ARHGAP6: variants seen among roughly 807,000 people sequenced by gnomAD.
ARHGAP6 encodes the protein Rho GTPase activating protein 6.
In ARHGAP6, 16 loss-of-function variants were observed where a neutral mutation model predicts 55.7. The observed-to-expected ratio is 0.29, with a 90% confidence interval of 0.19 to 0.44. The LOEUF is 0.44. Among genes scored for constraint, ARHGAP6 ranks in the 20% least tolerant of loss-of-function variants. ARHGAP6 has a pLI of 1.00. For missense variants in ARHGAP6, 698 were observed against 808.9 expected (o/e 0.86, Z 1.66); for synonymous variants, 382 against 360.9 (o/e 1.06, Z -0.66).
intron 1 of ARHGAP6, among the ~76,000 whole-genome samples, chrX:11,572,982 GTCT>G (rs968954778): frequency 8.9e-6 from 1 of 112,082 alleles, no homozygotes; most frequent in Non-Finnish European, 1.9e-5. Context: ...CTGCATAAAT[GTCT>G]TCTTTTGAGA....
chrX:11,155,226 C>T (rs1484027233), intron 10 of ARHGAP6, among the ~76,000 whole-genome samples: 2 of 112,405 alleles, frequency 1.8e-5, no homozygotes, highest in Non-Finnish European at 3.8e-5. Flanking sequence ...CACCAATATA[C>T]AGGAATAACT....
At chrX:11,513,552 C>T (rs940517790) in intron 1 of ARHGAP6, among the ~76,000 whole-genome samples, 2 of 111,526 alleles carry the variant, frequency 1.8e-5, no homozygotes, top group African/African-American at 6.5e-5. Context: ...GTCCTTATGC[C>T]ATCACTTGCC....
intron 1 of ARHGAP6, among the ~76,000 whole-genome samples, chrX:11,595,679 T>A (rs2051893131): frequency 8.9e-6 from 1 of 111,786 alleles, no homozygotes; most frequent in Non-Finnish European, 1.9e-5. Flanking sequence ...TCTATCCATC[T>A]GACAAAGGGC....
intron 1 of ARHGAP6, among the ~76,000 whole-genome samples, chrX:11,580,070 G>A (rs1262032153): frequency 9.0e-6 from 1 of 111,508 alleles, no homozygotes; most frequent in Non-Finnish European, 1.9e-5. Context: ...ACTCATTAAA[G>A]GCCAGAAAAT....
At chrX:11,147,262 TAC>T (rs78335712) in intron 10 of ARHGAP6, among the ~76,000 whole-genome samples, 3,050 of 111,221 alleles carry the variant, frequency 0.027, 45 homozygotes, top group South Asian at 0.054. Flanking sequence ...TAAACACATA[TAC>T]ACACACACAA....
At chrX:11,652,970 T>A (rs1257094219) in intron 1 of ARHGAP6, among the ~76,000 whole-genome samples, 3 of 112,050 alleles carry the variant, frequency 2.7e-5, no homozygotes, top group Non-Finnish European at 5.6e-5. Flanking sequence ...GAGAATCTGA[T>A]TGTAGATAGG....
intron 1 of ARHGAP6, among the ~76,000 whole-genome samples, chrX:11,468,054 G>C (rs2050313144): frequency 9.0e-6 from 1 of 110,740 alleles, no homozygotes; most frequent in Non-Finnish European, 1.9e-5. Flanking sequence ...AAAGCTAACT[G>C]ATGGTGGTAG....
At chrX:11,174,565 CCTTCCTTCCTTTCTTTCTTT>C (rs2046148656) in intron 8 of ARHGAP6, among the ~76,000 whole-genome samples, 3 of 73,378 alleles carry the variant, frequency 4.1e-5, no homozygotes, top group African/African-American at 1.8e-4. Flanking sequence ...TTCCTTCCTT[CCTTCCTTCCTTTCTTTCTTT>C]CTTTCTTTTT....
intron 8 of ARHGAP6, among the ~76,000 whole-genome samples, chrX:11,170,695 AG>A (rs1446021782): frequency 2.7e-5 from 3 of 111,242 alleles, no homozygotes; most frequent in Non-Finnish European, 5.7e-5. Context: ...AAAGTTACGG[AG>A]GGGGTGAAGA....
intron 1 of ARHGAP6, among the ~76,000 whole-genome samples, chrX:11,317,192 C>T (rs1351021471): frequency 8.9e-6 from 1 of 112,385 alleles, no homozygotes; most frequent in Non-Finnish European, 1.9e-5. Flanking sequence ...GCAGAGGAAA[C>T]CTTTCTTCTT....
intron 1 of ARHGAP6, among the ~76,000 whole-genome samples, chrX:11,606,260 A>C (rs2052034982): frequency 8.9e-6 from 1 of 112,032 alleles, no homozygotes; most frequent in Non-Finnish European, 1.9e-5. Flanking sequence ...AAGTTATACA[A>C]ATGAACTGAG....
At chrX:11,392,475 T>C (rs776412605) in intron 1 of ARHGAP6, among the ~76,000 whole-genome samples, 1 of 111,876 alleles carries the variant, frequency 8.9e-6, no homozygotes, top group Non-Finnish European at 1.9e-5. Context: ...GAAACATGAA[T>C]GAAGCCTGAA....
chrX:11,155,355 A>G (rs893858762), intron 10 of ARHGAP6, among the ~76,000 whole-genome samples: 2 of 111,390 alleles, frequency 1.8e-5, no homozygotes, highest in Non-Finnish European at 3.8e-5. Flanking sequence ...GCTGGAGTGC[A>G]GTGGTGCAGT....
chrX:11,508,852 T>TACACACACACACACACAC (rs199575300), intron 1 of ARHGAP6, among the ~76,000 whole-genome samples: 8 of 101,994 alleles, frequency 7.8e-5, no homozygotes, highest in African/African-American at 2.2e-4. Context: ...CAACTCATAC[T>TACACACACACACACACAC]ACACACACAC....
chrX:11,581,126 AATAG>A (rs1172762283), intron 1 of ARHGAP6, among the ~76,000 whole-genome samples: 1 of 112,674 alleles, frequency 8.9e-6, no homozygotes, highest in Admixed American at 9.4e-5. Flanking sequence ...AACAGATTTG[AATAG>A]ATATTTTCCC....
At chrX:11,573,261 A>T (rs1241462142) in intron 1 of ARHGAP6, among the ~76,000 whole-genome samples, 2 of 108,739 alleles carry the variant, frequency 1.8e-5, no homozygotes, top group African/African-American at 3.4e-5. Flanking sequence ...GTCCTTGCCC[A>T]TACCTATGTC....
chrX:11,530,855 G>T (rs2051040625), intron 1 of ARHGAP6, among the ~76,000 whole-genome samples: 1 of 111,647 alleles, frequency 9.0e-6, no homozygotes, highest in Admixed American at 9.5e-5. Context: ...TGGGAGAAAA[G>T]GACAGCAGGT....
intron 1 of ARHGAP6, among the ~76,000 whole-genome samples, chrX:11,530,042 G>A (rs777619593): frequency 1.8e-5 from 2 of 111,756 alleles, no homozygotes; most frequent in South Asian, 7.6e-4. Context: ...AAGTTTACAA[G>A]ACTGTGGCAT....
At chrX:11,533,494 ACT>A (rs2051073355) in intron 1 of ARHGAP6, among the ~76,000 whole-genome samples, 1 of 112,426 alleles carries the variant, frequency 8.9e-6, no homozygotes, top group African/African-American at 3.2e-5. Context: ...ATCAAAACCT[ACT>A]TTATACTCGT....
Sources: allele counts gnomAD v4.1 joint callset (sites outside exome capture counted in the v4.1 genomes callset), GRCh38; gene constraint gnomAD v4.1.1; transcripts MANE v1.5; gene names NCBI Gene and HGNC (gene_info 2026-07-23, HGNC 2026-07-21).